Variants in DTX3L observed in about 807,000 individuals in gnomAD.
The protein encoded by DTX3L is deltex E3 ubiquitin ligase 3L.
A neutral mutation model predicts 60.9 loss-of-function variants in DTX3L; 34 were observed. The ratio of observed to expected loss-of-function variants is 0.56; its 90% confidence interval spans 0.42 to 0.74. The LOEUF (loss-of-function observed/expected upper bound fraction) is 0.74. Ranked by LOEUF, DTX3L falls within the 30% of genes least tolerant of loss-of-function variation. DTX3L has a pLI of 0.00. For synonymous variants in DTX3L, 290 were observed against 316.6 expected, an observed-to-expected ratio of 0.92 and a Z score of 0.89; for missense variants, 810 against 874.0, an observed-to-expected ratio of 0.93 and a Z score of 0.92.
intron 4 of DTX3L, 37 bp downstream of exon 4, chr3:122,570,709 A>C (rs752839502): frequency 3.1e-6 from 5 of 1,604,084 alleles, no homozygotes; most frequent in Non-Finnish European, 4.3e-6. Flanking sequence ...TGCTCAACAG[A>C]GTATAGGGAT....
rs1322146408 is a variant in DTX3L, at chr3:122,569,837, C to T, written c.1748C>T (p.Ala583Val). The change falls in exon 3 of 5, where the codon GCC (alanine) becomes GTC (valine). Residue 583 changes from alanine (A) to valine (V), a missense_variant. Coordinates refer to ENST00000296161, the MANE Select transcript of DTX3L (RefSeq NM_138287.3). ...VLPKCKHEFC[A>V]PCINKAMSYK... ...CCAAAGTGCAAGCATGAATTCTGCGCCCCTTGTATCAACAAAGCCATGTCA... is the reference window on the plus strand; with the variant it reads ...CCAAAGTGCAAGCATGAATTCTGCGTCCCTTGTATCAACAAAGCCATGTCA... 6.2e-7 allele frequency: 1 copy of T among 1,614,004 alleles called. No individual in the cohort carries two copies. The highest frequency in any genetic ancestry group is 8.5e-7 in the Non-Finnish European group (1 of 1,180,038).
In DTX3L at chr3:122,569,466, C is replaced by T. The variant is rs1466828386; in HGVS notation, c.1377C>T (p.Gly459=). Residue 459 remains glycine, a synonymous_variant, in exon 3 of 5, where the codon GGC becomes GGT. Coordinates refer to ENST00000296161, the MANE Select transcript of DTX3L (RefSeq NM_138287.3). ...MREVLLLKSL[G]KERKHLHQTK... ...AAGTTCTTTTACTGAAGTCTTTGGG[C>T]AAGGAGAGAAAGCACTTACATCAGA... 6.2e-7 allele frequency: 1 copy of T among 1,614,086 alleles called. No homozygotes were observed. Among genetic ancestry groups the T allele is most frequent in the African/African-American group, 1.3e-5 (1 of 75,022 alleles).
chr3:122,564,661 C>T, intron 1 of DTX3L, 48 bp downstream of exon 1: 5 of 1,552,546 alleles, frequency 3.2e-6, no homozygotes, highest in African/African-American at 1.4e-5. Flanking sequence ...GGGCCCGGCC[C>T]CCGGGTTTCC....
intron 2 of DTX3L, among the ~76,000 whole-genome samples, chr3:122,567,380 T>C (rs922266178): frequency 8.5e-5 from 13 of 152,114 alleles, no homozygotes; most frequent in Admixed American, 4.6e-4. Flanking sequence ...AGGTGAAAGA[T>C]GATAATGGCA....
chr3:122,568,722 C>T lies in DTX3L; in HGVS notation c.633C>T (p.Leu211=), dbSNP rs1177926859. 2 of 1,614,052 alleles carry T rather than the reference C, an allele frequency of 1.2e-6. No individual in the cohort carries two copies. The highest frequency in any genetic ancestry group is 1.3e-5 in the African/African-American group (1 of 74,920). Residue 211 remains leucine (L), a synonymous_variant, in exon 3 of 5, where the codon CTC becomes CTT. Coordinates refer to ENST00000296161, the MANE Select transcript of DTX3L (RefSeq NM_138287.3). Reference sequence around the variant, plus strand: ...CTTCAATGACAGAGAGGAAGCCACTCAGTCAGCAGGAGAGGGACAGCTGCA... The same window carrying T: ...CTTCAATGACAGAGAGGAAGCCACTTAGTCAGCAGGAGAGGGACAGCTGCA... ...FSPSMTERKP[L]SQQERDSCIS... is the part of the protein sequence containing the mutation.
At chr3:122,565,831 ATG>A (rs1419232148) in intron 1 of DTX3L, 26 bp from the exon 2 acceptor site, 2 of 1,598,982 alleles carry the variant, frequency 1.3e-6, no homozygotes, top group African/African-American at 1.3e-5. Context: ...ATGTGTGTAT[ATG>A]TGTGTGTTTA....
In DTX3L at chr3:122,568,484, T is replaced by G; in HGVS notation, c.400-5T>G. On this transcript the variant is annotated splice_region_variant and splice_polypyrimidine_tract_variant and intron_variant, in intron 2 of 4. Transcript: ENST00000296161. ...TATTTGTTCCTGTTCCTTTTAAAAT[T>G]TCAGATCTTTCTTACTGTAACAGCT... The G allele has an allele frequency of 6.3e-7, 1 of 1,584,196 alleles. No individual in the cohort carries two copies. Among genetic ancestry groups the G allele is most frequent in the Non-Finnish European group, 8.6e-7 (1 of 1,167,164 alleles).
chr3:122,564,675 C>T (rs575899025), intron 1 of DTX3L, 62 bp downstream of exon 1: 24 of 1,539,924 alleles, frequency 1.6e-5, no homozygotes, highest in Admixed American at 2.2e-5. Flanking sequence ...GGTTTCCAGG[C>T]GGACCCAGTT....
intron 4 of DTX3L, 70 bp downstream of exon 4, chr3:122,570,742 A>G (rs2107782649): frequency 1.3e-6 from 2 of 1,510,842 alleles, no homozygotes; most frequent in South Asian, 2.3e-5. Context: ...CAATTTCTGG[A>G]TGTGGATATA....
Position 122,570,482 on chromosome 3 carries a change from T to A in DTX3L, c.1963T>A (p.Tyr655Asn), listed in dbSNP as rs1171067910. The A allele has an allele frequency of 1.2e-6, 2 of 1,614,058 alleles. No homozygotes were observed. The highest frequency in any genetic ancestry group is 1.7e-6 in the Non-Finnish European group (2 of 1,180,034). Reference protein sequence around the residue: ...TEEHPNPGKRYPGIQRTAYLP... With the variant: ...TEEHPNPGKRNPGIQRTAYLP... ...AGAACACCCAAACCCAGGAAAGAGA[T>A]ACCCTGGAATACAGCGAACTGCATA... is the stretch of plus-strand genomic sequence containing the variant. The change falls in exon 4 of 5, where the codon TAC becomes AAC. Residue 655 changes from tyrosine to asparagine, a missense_variant. Physicochemically the swap from Tyr to Asn is moderately radical, Grantham distance 143. Coordinates refer to ENST00000296161, the MANE Select transcript of DTX3L (RefSeq NM_138287.3).
At chr3:122,564,740 C>T in intron 1 of DTX3L, 127 bp downstream of exon 1, 1 of 1,208,970 alleles carries the variant, frequency 8.3e-7, no homozygotes, top group South Asian at 1.6e-5. Flanking sequence ...CGGTGGCGGA[C>T]AGGGACGGGG....
Position 122,564,342 on chromosome 3 carries a change from C to CT in DTX3L, c.-82dup, listed in dbSNP as rs1207686181. On this transcript the variant is annotated 5_prime_UTR_variant, in exon 1 of 5. Coordinates refer to ENST00000296161, the MANE Select transcript of DTX3L (RefSeq NM_138287.3). ...GACCTCCAGGGAAGCGAAACTGAAA[C>CT]TTTGCGCCCAGTCCGCAGGGCGGGC... The CT allele has an allele frequency of 6.2e-6, 9 of 1,451,344 alleles. No individual in the cohort carries two copies. Among genetic ancestry groups the CT allele is most frequent in the Non-Finnish European group, 8.3e-6 (9 of 1,086,720 alleles). 89.9% of individuals were successfully genotyped at this position (1,451,344 alleles called of 1,614,324 possible).
chr3:122,569,685 C>G lies in DTX3L; in HGVS notation c.1596C>G (p.Ser532Arg), dbSNP rs370064697. Residue 532 changes from serine (S) to arginine (R), a missense_variant, in exon 3 of 5, where the codon AGC (serine) becomes AGG (arginine). Ser to Arg is a moderately radical substitution (Grantham distance 110). Transcript: ENST00000296161. The part of the protein sequence containing the change: ...EGHETPMDID[S>R]DDSKAASPPL... The stretch of plus-strand genomic sequence containing the variant: ...ATGAAACACCGATGGACATTGATAG[C>G]GATGATTCCAAAGCAGCTTCTCCGC... The G allele has an allele frequency of 4.3e-6, 7 of 1,614,090 alleles. No homozygotes were observed. In the South Asian group the frequency reaches 7.7e-5, roughly 18 times the overall value.
In DTX3L at chr3:122,569,605, GT is replaced by G; in HGVS notation, c.1518del (p.Leu507Ter). The G allele has an allele frequency of 6.2e-7, 1 of 1,614,216 alleles. No homozygotes were observed. Among genetic ancestry groups the G allele is most frequent in the Non-Finnish European group, 8.5e-7 (1 of 1,180,044 alleles). On this transcript the variant is annotated frameshift_variant, in exon 3 of 5. Coordinates refer to ENST00000296161, the MANE Select transcript of DTX3L (RefSeq NM_138287.3). LOFTEE classifies it high-confidence loss of function. Reference sequence around the variant, plus strand: ...TCACCTTGCAAAGGCGAAGCAGTATGTTCTAAAAGGAGGAGGAATGTCTTCA... The same window carrying G: ...TCACCTTGCAAAGGCGAAGCAGTATGTCTAAAAGGAGGAGGAATGTCTTCA... ...PNHLAKAKQY[V>X]LKGGGMSSLA...
chr3:122,565,512 TAAAA>T (rs770609802), intron 1 of DTX3L, among the ~76,000 whole-genome samples: 1,025 of 53,010 alleles, frequency 0.019, 3 homozygotes, highest in South Asian at 0.039. Context: ...AGACTCCGTC[TAAAA>T]AAAAAAAAAA....
At chr3:122,567,916 C>A (rs1285114159) in intron 2 of DTX3L, among the ~76,000 whole-genome samples, 1 of 152,178 alleles carries the variant, frequency 6.6e-6, no homozygotes, top group Admixed American at 6.5e-5. Context: ...TGGGGATGTG[C>A]TTGGGCTTTG....
rs1440193364 is a variant in DTX3L at position 122,569,684 on chromosome 3, G to A, written c.1595G>A (p.Ser532Asn). The change falls in exon 3 of 5, where the codon AGC becomes AAC. Residue 532 changes from serine to asparagine, a missense_variant. Transcript: ENST00000296161. The part of the protein sequence containing the change: ...EGHETPMDID[S>N]DDSKAASPPL... Reference sequence around the variant, plus strand: ...CATGAAACACCGATGGACATTGATAGCGATGATTCCAAAGCAGCTTCTCCG... The same window carrying A: ...CATGAAACACCGATGGACATTGATAACGATGATTCCAAAGCAGCTTCTCCG... 1 of 1,614,196 alleles carries A rather than the reference G, an allele frequency of 6.2e-7. No homozygotes were observed. The highest frequency in any genetic ancestry group is 2.2e-5 in the East Asian group (1 of 44,882).
chr3:122,570,202 T>C (rs2080635184), intron 3 of DTX3L, 178 bp downstream of exon 3: 1 of 773,774 alleles, frequency 1.3e-6, no homozygotes, highest in South Asian at 1.8e-5. Context: ...CAAATACCTT[T>C]TGTGTCTATT....
At chr3:122,566,138 T>G in intron 2 of DTX3L, 68 bp downstream of exon 2, 1 of 1,422,564 alleles carries the variant, frequency 7.0e-7, no homozygotes, top group Non-Finnish European at 9.8e-7. Context: ...CATGTATTAT[T>G]GATCCAACAC....
Sources: gnomAD v4.1 joint callset for allele counts (sites outside exome capture counted in the v4.1 genomes callset) on GRCh38, gnomAD v4.1.1 for gene constraint, MANE v1.5 for transcripts, NCBI Gene and HGNC (gene_info 2026-07-23, HGNC 2026-07-21) for gene names.